The following BTBD7 variants were observed in gnomAD, a reference collection of about 807,000 sequenced individuals.
BTBD7 encodes the protein BTB/POZ domain-containing protein 7.
In BTBD7, 38 loss-of-function variants were observed where a neutral mutation model predicts 99.9. The observed-to-expected ratio is 0.38, with a 90% CI of 0.29 to 0.50. The LOEUF (loss-of-function observed/expected upper bound fraction) is 0.50, where lower values mean the gene tolerates loss of function less well. Ranked by LOEUF, BTBD7 falls within the 20% of genes least tolerant of loss-of-function variation. The pLI is 0.93. For synonymous variants in BTBD7, 520 were observed against 511.4 expected (o/e 1.02, Z -0.23); for missense variants, 1,170 against 1,394.6 (o/e 0.84, Z 2.57).
intron 1 of BTBD7, among the ~76,000 whole-genome samples, chr14:93,314,692 G>A (rs929192871): frequency 2.6e-5 from 4 of 152,042 alleles, no homozygotes; most frequent in African/African-American, 9.7e-5. Context: ...GAAGATTCTT[G>A]GGTTAAAGGA....
Position 93,238,919 on chromosome 14 carries a change from A to G in BTBD7, c.*3354T>C, listed in dbSNP as rs1595277770. The G allele has an allele frequency of 6.6e-6, 1 of 152,236 alleles. No individual in the cohort carries two copies. The highest frequency in any genetic ancestry group is 2.1e-4 in the South Asian group (1 of 4,830). 9.4% of individuals were successfully genotyped at this position (152,236 alleles called of 1,614,324 possible). On this transcript the variant is annotated 3_prime_UTR_variant, in exon 11 of 11. Transcript: ENST00000334746. ...ATAAAAAGTTTCTGAGGAAGCAAAA[A>G]CAAGAATTAGTTAAGGCTTCATAAA...
chr14:93,259,880 G>T (rs914326204), intron 5 of BTBD7, among the ~76,000 whole-genome samples: 1 of 152,182 alleles, frequency 6.6e-6, no homozygotes, highest in Non-Finnish European at 1.5e-5. Flanking sequence ...GTTGCAGCGA[G>T]CTGAGATCGC....
chr14:93,286,993 T>C (rs2052786140), intron 3 of BTBD7, among the ~76,000 whole-genome samples: 1 of 151,824 alleles, frequency 6.6e-6, no homozygotes, highest in Non-Finnish European at 1.5e-5. Context: ...ATACCAGCAC[T>C]GAGGCGGGTG....
intron 3 of BTBD7, chr14:93,288,748 T>C (rs746760101): frequency 6.2e-7 from 1 of 1,605,262 alleles, no homozygotes; most frequent in South Asian, 1.1e-5. Context: ...TTTCATTTTA[T>C]AACCCCTGAG....
chr14:93,327,224 TG>T (rs2053343956), intron 1 of BTBD7, among the ~76,000 whole-genome samples: 1 of 152,328 alleles, frequency 6.6e-6, no homozygotes, highest in Non-Finnish European at 1.5e-5. Flanking sequence ...TATAATAATA[TG>T]TTTTTTACTT....
At chr14:93,249,658 G>C (rs2052349931) in intron 8 of BTBD7, among the ~76,000 whole-genome samples, 1 of 152,232 alleles carries the variant, frequency 6.6e-6, no homozygotes, top group Non-Finnish European at 1.5e-5. Flanking sequence ...GTCTACGGCT[G>C]TTGTATGGGA....
Position 93,321,355 on chromosome 14 carries a change from G to A in BTBD7, c.-107+11465C>T, listed in dbSNP as rs374382485. Among the ~76,000 whole-genome samples, 22 of 152,274 alleles carry A rather than the reference G, an allele frequency of 1.4e-4. 1 individual carries two copies. The South Asian group carries it at 4.2e-3, about 29-fold the overall frequency. On this transcript the variant is annotated intron_variant, in intron 1 of 10. Coordinates refer to ENST00000334746, the MANE Select transcript of BTBD7 (RefSeq NM_001002860.4). ...CACCTATAATCCCAGCACTTTCAGA[G>A]GCCTAGGCGGGTGGATCGCTTGAGG... is the stretch of plus-strand genomic sequence containing the variant.
chr14:93,283,772 G>A (rs561353416), intron 3 of BTBD7, among the ~76,000 whole-genome samples: 3 of 152,226 alleles, frequency 2.0e-5, no homozygotes, highest in Admixed American at 2.0e-4. Context: ...GGCTGGTCTC[G>A]AACTCCTGGC....
chr14:93,277,964 CTCTT>C (rs1383835233), intron 3 of BTBD7, among the ~76,000 whole-genome samples: 3 of 152,170 alleles, frequency 2.0e-5, no homozygotes, highest in Non-Finnish European at 4.4e-5. Flanking sequence ...CGGTTCACAC[CTCTT>C]TATCTGAAAA....
chr14:93,251,690 C>T, intron 7 of BTBD7, 38 bp from the exon 8 acceptor site: 2 of 1,462,360 alleles, frequency 1.4e-6, no homozygotes, highest in Non-Finnish European at 1.8e-6. Flanking sequence ...ACCAGTCAAC[C>T]TTCCTCTGTT....
At chr14:93,303,459 A>T (rs893545311) in intron 1 of BTBD7, among the ~76,000 whole-genome samples, 3 of 152,170 alleles carry the variant, frequency 2.0e-5, no homozygotes, top group Admixed American at 2.0e-4. Flanking sequence ...AGTTAAAAAA[A>T]AAAATAAAAA....
At chr14:93,310,822 T>C (rs1402932472) in intron 1 of BTBD7, among the ~76,000 whole-genome samples, 1 of 148,620 alleles carries the variant, frequency 6.7e-6, no homozygotes, top group Admixed American at 6.8e-5. Context: ...GCAGGTAGTA[T>C]GTACTTCCAA....
intron 9 of BTBD7, 108 bp from the exon 10 acceptor site, chr14:93,246,394 G>A: frequency 8.3e-7 from 1 of 1,198,212 alleles, no homozygotes; most frequent in Non-Finnish European, 1.1e-6. Flanking sequence ...ACCACAGTCA[G>A]CAAGAATAAA....
At chr14:93,328,335 C>G (rs940184601) in intron 1 of BTBD7, among the ~76,000 whole-genome samples, 1 of 152,122 alleles carries the variant, frequency 6.6e-6, no homozygotes, top group Non-Finnish European at 1.5e-5. Context: ...AAAGTGGAGT[C>G]TCACACTTCT....
chr14:93,291,744 A>C (rs190401674), intron 3 of BTBD7, among the ~76,000 whole-genome samples: 1 of 151,652 alleles, frequency 6.6e-6, no homozygotes, highest in South Asian at 2.1e-4. Context: ...GTATTATTTT[A>C]TATCTTTAAA....
intron 3 of BTBD7, 134 bp downstream of exon 3, chr14:93,293,724 A>AT (rs1359063691): frequency 5.4e-6 from 6 of 1,120,428 alleles, no homozygotes; most frequent in Non-Finnish European, 7.4e-6. Flanking sequence ...CTCAGATGTC[A>AT]TAACTGAAGG....
intron 9 of BTBD7, among the ~76,000 whole-genome samples, chr14:93,247,407 G>T (rs1053152341): frequency 1.3e-5 from 2 of 152,090 alleles, no homozygotes; most frequent in African/African-American, 4.8e-5. Flanking sequence ...GAGTGCAGTG[G>T]TGCAATCTTG....
chr14:93,313,488 T>C (rs977078602), intron 1 of BTBD7, among the ~76,000 whole-genome samples: 1 of 152,040 alleles, frequency 6.6e-6, no homozygotes, highest in Non-Finnish European at 1.5e-5. Context: ...GATACTTTTT[T>C]CCCCATTAAA....
At chr14:93,301,679 A>G (rs917861599) in intron 1 of BTBD7, among the ~76,000 whole-genome samples, 1 of 152,128 alleles carries the variant, frequency 6.6e-6, no homozygotes, top group African/African-American at 2.4e-5. Flanking sequence ...AAAGAGTGAG[A>G]CTTTCTCAAA....
Sources: allele counts gnomAD v4.1 joint callset (sites outside exome capture counted in the v4.1 genomes callset), GRCh38; gene constraint gnomAD v4.1.1; transcripts MANE v1.5; gene names NCBI Gene and HGNC (gene_info 2026-07-23, HGNC 2026-07-21).